Variants in PTH2R observed in about 807,000 individuals in gnomAD.
The protein encoded by PTH2R is parathyroid hormone 2 receptor.
Under a neutral mutation model 60.3 loss-of-function variants are expected in PTH2R, and 59 were observed. The observed-to-expected ratio is 0.98, with a 90% CI of 0.79 to 1.22. The LOEUF (loss-of-function observed/expected upper bound fraction) is 1.22, where lower values mean the gene tolerates loss of function less well. Among genes scored for constraint, PTH2R ranks in the 50% most tolerant of loss-of-function variants. The probability of loss-of-function intolerance (pLI) is 0.00; values close to 1 mark genes in which losing one functional copy is unlikely to be tolerated. For missense variants in PTH2R, 749 were observed against 682.6 expected, an observed-to-expected ratio of 1.10 and a Z score of -1.08; for synonymous variants, 256 against 243.8, an observed-to-expected ratio of 1.05 and a Z score of -0.47.
At chr2:208,430,771 T>C (rs1371506888) in intron 2 of PTH2R, among the ~76,000 whole-genome samples, 1 of 152,152 alleles carries the variant, frequency 6.6e-6, no homozygotes, top group Non-Finnish European at 1.5e-5. Flanking sequence ...TTCACCATGT[T>C]AGCCAGGATG....
At chr2:208,382,844 A>G (rs1277180399) in intron 1 of PTH2R, among the ~76,000 whole-genome samples, 1 of 152,148 alleles carries the variant, frequency 6.6e-6, no homozygotes, top group Admixed American at 6.5e-5. Context: ...GCACACTGTG[A>G]TATTCTCTGA....
At chr2:208,393,270 C>G (rs1343352155) in intron 1 of PTH2R, among the ~76,000 whole-genome samples, 1 of 150,584 alleles carries the variant, frequency 6.6e-6, no homozygotes, top group Admixed American at 6.7e-5. Context: ...TAAACTTGTC[C>G]TTCAGGATGA....
intron 1 of PTH2R, among the ~76,000 whole-genome samples, chr2:208,413,888 C>A (rs1365088473): frequency 6.6e-6 from 1 of 152,160 alleles, no homozygotes; most frequent in Non-Finnish European, 1.5e-5. Flanking sequence ...GGTGGGAGAG[C>A]TTATCACAGG....
intron 1 of PTH2R, among the ~76,000 whole-genome samples, chr2:208,365,794 A>G (rs1432574000): frequency 7.1e-6 from 1 of 141,440 alleles, no homozygotes; most frequent in Non-Finnish European, 1.5e-5. Context: ...GCTGGAGTGC[A>G]GCGGCACAAT....
At chr2:208,420,254 G>C (rs539629513) in intron 1 of PTH2R, among the ~76,000 whole-genome samples, 2 of 151,340 alleles carry the variant, frequency 1.3e-5, no homozygotes, top group South Asian at 4.2e-4. Context: ...CCTGCACATT[G>C]TGCACATGTA....
Position 208,493,299 on chromosome 2 carries a change from G to C in PTH2R, c.1293G>C (p.Trp431Cys). The change falls in exon 13 of 13, where the codon TGG (tryptophan) becomes TGC (cysteine). Residue 431 changes from tryptophan to cysteine, a missense_variant. Trp to Cys is a radical substitution (Grantham distance 215, BLOSUM62 -2). Transcript: ENST00000272847. ...AGGTGAAGAAGATGTGGAGTCGGTG[G>C]AACCTCTCCGTGGACTGGAAAAGGA... ...QAEVKKMWSR[W>C]NLSVDWKRTP... 1 of 1,522,296 alleles carries C rather than the reference G, an allele frequency of 6.6e-7. No individual in the cohort carries two copies. The highest frequency in any genetic ancestry group is 2.3e-5 in the East Asian group (1 of 43,610). 94.3% of individuals were successfully genotyped at this position (1,522,296 alleles called of 1,614,324 possible).
At chr2:208,469,255 GC>G (rs767418427) in intron 9 of PTH2R, among the ~76,000 whole-genome samples, 4 of 152,208 alleles carry the variant, frequency 2.6e-5, no homozygotes, top group Non-Finnish European at 5.9e-5. Flanking sequence ...TTTTAGTCAT[GC>G]ATTACATGTG....
At position 208,385,151 on chromosome 2, in the gene PTH2R, G is replaced by A. The variant is rs573867404; in HGVS notation, c.-259+24914G>A. On this transcript the variant is annotated intron_variant, in intron 1 of 12. Transcript: ENST00000617735. ...CTGATAGTGTTAATACCTTTTTGTA[G>A]TACCTTTCTTTAAAATATACAGGGA... Among the ~76,000 whole-genome samples the A allele has an allele frequency of 8.6e-5, 13 of 151,890 alleles. No individual in the cohort carries two copies. The South Asian group carries it at 2.5e-3, about 29-fold the overall frequency.
chr2:208,455,425 T>G (rs1230256577), intron 8 of PTH2R, among the ~76,000 whole-genome samples: 1 of 152,220 alleles, frequency 6.6e-6, no homozygotes, highest in Non-Finnish European at 1.5e-5. Context: ...AGCAGAATTT[T>G]GACTCATTCA....
intron 1 of PTH2R, among the ~76,000 whole-genome samples, chr2:208,388,133 C>CCCT (rs1553540984): frequency 3.4e-3 from 3 of 874 alleles, no homozygotes; most frequent in Non-Finnish European, 7.2e-3. Context: ...CATGGTGAAA[C>CCCT]CCCCCCCCCC....
At chr2:208,360,184 T>A in exon 1 of PTH2R, 2 of 455,268 alleles carry the variant, frequency 4.4e-6, no homozygotes, top group South Asian at 3.1e-5. Context: ...CTCTTCTTTT[T>A]CTACGATAAA....
At position 208,388,549 on chromosome 2, in the gene PTH2R, A is replaced by G. The variant is rs76333181; in HGVS notation, c.-259+28312A>G. On this transcript the variant is annotated intron_variant, in intron 1 of 12. Transcript: ENST00000617735. ...AGGTAATATTTATCTCCCTATCCTT[A>G]TACTCTGTGTTGGTAAAGAGATATT... is the stretch of plus-strand genomic sequence containing the variant. 3.3e-4 allele frequency among the ~76,000 whole-genome samples: 50 copies of G among 152,198 alleles called. No individual in the cohort carries two copies. In the East Asian group the frequency reaches 8.5e-3, roughly 26 times the overall value.
rs1463712324 is a variant in PTH2R at position 208,439,995 on chromosome 2, A to G, written c.411+2114A>G. On this transcript the variant is annotated intron_variant, in intron 4 of 12. Coordinates refer to ENST00000272847, the MANE Select transcript of PTH2R (RefSeq NM_005048.4). ...AATGAAGAACTGGTTAAATAAGCGC[A>G]AATATATGCATATAAATTTTATAAA... Among the ~76,000 whole-genome samples, 3 of 152,370 alleles carry G rather than the reference A, an allele frequency of 2.0e-5. No individual in the cohort carries two copies. The East Asian group carries it at 5.8e-4, about 29-fold the overall frequency.
At chr2:208,489,233 C>A in intron 11 of PTH2R, 83 bp downstream of exon 11, 1 of 1,537,404 alleles carries the variant, frequency 6.5e-7, no homozygotes, top group South Asian at 1.2e-5. Context: ...TTTCTCTGCA[C>A]TCTCTCTGGC....
chr2:208,443,641 T>G, intron 6 of PTH2R, 104 bp downstream of exon 6: 1 of 922,652 alleles, frequency 1.1e-6, no homozygotes, highest in Non-Finnish European at 1.6e-6. Flanking sequence ...TACTTATCTC[T>G]GAACTAACTA....
chr2:208,447,815 A>G (rs1361963082), intron 7 of PTH2R, among the ~76,000 whole-genome samples: 1 of 152,000 alleles, frequency 6.6e-6, no homozygotes, highest in African/African-American at 2.4e-5. Context: ...CATTCAACCA[A>G]GCACATTATT....
upstream of PTH2R, among the ~76,000 whole-genome samples, chr2:208,404,373 C>T (rs1024602724): frequency 6.6e-6 from 1 of 152,122 alleles, no homozygotes; most frequent in African/African-American, 2.4e-5. Context: ...TTTCTTTAAT[C>T]CTCAGTAGGG....
chr2:208,378,085 T>C (rs887253074), intron 1 of PTH2R, among the ~76,000 whole-genome samples: 2 of 151,880 alleles, frequency 1.3e-5, no homozygotes, highest in African/African-American at 4.8e-5. Flanking sequence ...TGGGCAACAT[T>C]GAGCACTGAG....
intron 9 of PTH2R, among the ~76,000 whole-genome samples, chr2:208,460,980 T>C (rs1301997556): frequency 1.3e-5 from 2 of 152,074 alleles, no homozygotes; most frequent in Admixed American, 6.6e-5. Context: ...TGTAACCTCA[T>C]CCAAAGAATC....
Sources: allele counts gnomAD v4.1 joint callset (sites outside exome capture counted in the v4.1 genomes callset), GRCh38; gene constraint gnomAD v4.1.1; transcripts MANE v1.5; gene names NCBI Gene and HGNC (gene_info 2026-07-23, HGNC 2026-07-21).